FAM193A: variants seen among roughly 807,000 people sequenced by gnomAD.
FAM193A encodes the protein protein FAM193A.
FAM193A carries 22 observed loss-of-function variants against 126.5 expected under a neutral mutation model. That is an observed-to-expected ratio of 0.17 (90% CI 0.12 to 0.25). The LOEUF (loss-of-function observed/expected upper bound fraction) is 0.25. FAM193A is among the 10% of genes least tolerant of loss of function. The pLI, the probability that FAM193A is intolerant of heterozygous loss-of-function variation, is 1.00. For synonymous variants in FAM193A, 761 were observed against 646.8 expected (o/e 1.18, Z -2.68); for missense variants, 1,675 against 1,672.8 (o/e 1.00, Z -0.02).
chr4:2,655,778 A>C (rs1454086959), intron 7 of FAM193A, among the ~76,000 whole-genome samples: 1 of 152,056 alleles, frequency 6.6e-6, no homozygotes, highest in Non-Finnish European at 1.5e-5. Flanking sequence ...CAAGGAAAAA[A>C]AAATTAGCCA....
chr4:2,590,120 G>T (rs867526349), intron 1 of FAM193A, among the ~76,000 whole-genome samples: 2 of 142,622 alleles, frequency 1.4e-5, no homozygotes, highest in African/African-American at 5.3e-5. Flanking sequence ...GGGCAACAGA[G>T]CGAGACTCTG....
chr4:2,673,552 G>A (rs926790650), intron 13 of FAM193A, among the ~76,000 whole-genome samples: 1 of 152,148 alleles, frequency 6.6e-6, no homozygotes, highest in Non-Finnish European at 1.5e-5. Context: ...TGCTCAGTTT[G>A]AACTTTTAAT....
chr4:2,575,437 A>G (rs1348844797), intron 1 of FAM193A, among the ~76,000 whole-genome samples: 1 of 151,282 alleles, frequency 6.6e-6, no homozygotes, highest in African/African-American at 2.4e-5. Flanking sequence ...GAGTTTTTAA[A>G]TGTGTTGGGT....
intron 7 of FAM193A, among the ~76,000 whole-genome samples, chr4:2,656,084 G>A (rs73080307): frequency 0.038 from 5,762 of 152,216 alleles, 373 homozygotes; most frequent in African/African-American, 0.13. Context: ...ACTGCATCCA[G>A]CCAGGACTTT....
At chr4:2,705,561 G>A (rs1718207680) in intron 19 of FAM193A, among the ~76,000 whole-genome samples, 2 of 151,660 alleles carry the variant, frequency 1.3e-5, no homozygotes, top group African/African-American at 4.8e-5. Flanking sequence ...TGGTTAGCGA[G>A]TGGTCCCAGC....
At chr4:2,726,837 C>A (rs1436885148) in intron 20 of FAM193A, among the ~76,000 whole-genome samples, 1 of 145,638 alleles carries the variant, frequency 6.9e-6, no homozygotes, top group Non-Finnish European at 1.5e-5. Flanking sequence ...GTAGTCCCAG[C>A]TACTCTGGAG....
At chr4:2,641,572 G>A (rs909503208) in intron 6 of FAM193A, among the ~76,000 whole-genome samples, 2 of 151,468 alleles carry the variant, frequency 1.3e-5, no homozygotes, top group Non-Finnish European at 2.9e-5. Flanking sequence ...GAAGAATGGC[G>A]TGAACCCAGG....
chr4:2,731,757 G>A lies in FAM193A; in HGVS notation c.4455-18G>A, dbSNP rs1311194514. 2 of 1,602,298 alleles carry A rather than the reference G, an allele frequency of 1.2e-6. No individual in the cohort carries two copies. Among genetic ancestry groups the A allele is most frequent in the East Asian group, 4.5e-5 (2 of 44,802 alleles). On this transcript the variant is annotated intron_variant, in intron 20 of 20. Coordinates refer to ENST00000637812, the MANE Select transcript of FAM193A (RefSeq NM_001366318.2). Reference sequence around the variant, plus strand: ...GGGCTGTTTCCTTCAGTGACTGTTTGGCTTTTTGTCTTTGCAGGTTCTGCT... The same window carrying A: ...GGGCTGTTTCCTTCAGTGACTGTTTAGCTTTTTGTCTTTGCAGGTTCTGCT...
In FAM193A at chr4:2,716,004, C is replaced by T. The variant is rs1719493759; in HGVS notation, c.4373-19C>T. On this transcript the variant is annotated intron_variant, in intron 19 of 20. Coordinates refer to ENST00000637812, the MANE Select transcript of FAM193A (RefSeq NM_001366318.2). ...CCTGCTGCTGTAATTTGACTTGCTGCTTCTCTTTTGTTTTACAGATGATGT... is the reference window on the plus strand; with the variant it reads ...CCTGCTGCTGTAATTTGACTTGCTGTTTCTCTTTTGTTTTACAGATGATGT... The T allele has an allele frequency of 7.0e-7, 1 of 1,429,334 alleles. No homozygotes were observed. The highest frequency in any genetic ancestry group is 1.4e-5 in the African/African-American group (1 of 71,356). The allele number at this position is 1,429,334 out of a possible 1,614,324, so 88.5% of individuals were successfully genotyped here.
At chr4:2,730,752 G>A (rs573028821) in intron 20 of FAM193A, among the ~76,000 whole-genome samples, 1 of 152,110 alleles carries the variant, frequency 6.6e-6, no homozygotes, top group East Asian at 1.9e-4. Context: ...AATTAGCTGG[G>A]TGTTGTGGTA....
chr4:2,666,949 C>T (rs1228093610), intron 12 of FAM193A, among the ~76,000 whole-genome samples: 1 of 152,106 alleles, frequency 6.6e-6, no homozygotes, highest in Non-Finnish European at 1.5e-5. Flanking sequence ...CATTGGTTTC[C>T]ATTCTGAAAT....
intron 4 of FAM193A, among the ~76,000 whole-genome samples, chr4:2,627,719 A>G (rs1195653691): frequency 2.0e-5 from 3 of 150,434 alleles, no homozygotes; most frequent in African/African-American, 7.4e-5. Flanking sequence ...CTGGGATTAC[A>G]GGCGCCTGCC....
In FAM193A at chr4:2,658,523, A is replaced by T. The variant is rs575670500; in HGVS notation, c.1389+643A>T. On this transcript the variant is annotated intron_variant, in intron 8 of 20. Transcript: ENST00000637812. ...TCCCCTGATCTCCCATCCACGTGCC[A>T]CATCGACTCTCTTCCTGTTCTCTGA... Among the ~76,000 whole-genome samples the T allele has an allele frequency of 3.3e-5, 5 of 152,182 alleles. No homozygotes were observed. In the East Asian group the frequency reaches 9.7e-4, roughly 29 times the overall value.
intron 2 of FAM193A, among the ~76,000 whole-genome samples, chr4:2,611,032 C>T (rs560731708): frequency 6.6e-5 from 10 of 151,986 alleles, no homozygotes; most frequent in Non-Finnish European, 8.8e-5. Flanking sequence ...CCACCGTGCC[C>T]GGCCGAGTAT....
intron 13 of FAM193A, among the ~76,000 whole-genome samples, chr4:2,679,591 T>A (rs1714857157): frequency 6.6e-6 from 1 of 151,864 alleles, no homozygotes; most frequent in Admixed American, 6.6e-5. Flanking sequence ...GTTGGTCAGC[T>A]GGTCTCGAAC....
intron 2 of FAM193A, among the ~76,000 whole-genome samples, chr4:2,624,428 G>A (rs967101454): frequency 6.6e-6 from 1 of 152,222 alleles, no homozygotes; most frequent in African/African-American, 2.4e-5. Context: ...ATAGGCGTGA[G>A]CCACTGCCCC....
chr4:2,596,782 A>T (rs1310678036), intron 2 of FAM193A, among the ~76,000 whole-genome samples: 1 of 151,588 alleles, frequency 6.6e-6, no homozygotes, highest in African/African-American at 2.4e-5. Flanking sequence ...CCGCACCCTT[A>T]CTCTTATCTT....
At chr4:2,652,418 T>C (rs1745758442) in intron 7 of FAM193A, among the ~76,000 whole-genome samples, 1 of 152,214 alleles carries the variant, frequency 6.6e-6, no homozygotes, top group African/African-American at 2.4e-5. Flanking sequence ...TACCTGAGAC[T>C]GGATAATTTA....
At chr4:2,577,411 G>GTTTTT (rs67407606) in intron 1 of FAM193A, among the ~76,000 whole-genome samples, 10 of 101,870 alleles carry the variant, frequency 9.8e-5, no homozygotes, top group Non-Finnish European at 1.7e-4. Flanking sequence ...AATTAAAGTG[G>GTTTTT]TTTTTTTTTT....
Sources: gnomAD v4.1 joint callset for allele counts (sites outside exome capture counted in the v4.1 genomes callset) on GRCh38, gnomAD v4.1.1 for gene constraint, MANE v1.5 for transcripts, NCBI Gene and HGNC (gene_info 2026-07-23, HGNC 2026-07-21) for gene names.